Variants in EXOC4 observed in about 807,000 individuals in gnomAD.
EXOC4 encodes SEC8-like 1.
A neutral mutation model predicts 107.2 loss-of-function variants in EXOC4; 71 were observed. The observed-to-expected ratio is 0.66, with a 90% CI of 0.55 to 0.81. EXOC4 has a LOEUF of 0.81. Among genes scored for constraint, EXOC4 ranks in the 30% least tolerant of loss-of-function variants. The pLI is 0.00. For missense variants in EXOC4, 1,108 were observed against 1,189.6 expected (o/e 0.93, Z 1.01); for synonymous variants, 456 against 441.2 (o/e 1.03, Z -0.42).
chr7:133,964,716 A>G (rs1030726097), intron 14 of EXOC4, among the ~76,000 whole-genome samples: 3 of 152,040 alleles, frequency 2.0e-5, no homozygotes, highest in African/African-American at 7.3e-5. Flanking sequence ...GTTTTTCTTT[A>G]TCTAGTCTAT....
chr7:133,527,705 G>A (rs1800106634), intron 9 of EXOC4, among the ~76,000 whole-genome samples: 2 of 152,158 alleles, frequency 1.3e-5, no homozygotes, highest in South Asian at 4.1e-4. Context: ...CATAGAAAAT[G>A]TGAATTACAT....
rs530223419 is a variant in EXOC4, at chr7:133,761,772, T to C, written c.1515-55553T>C. On this transcript the variant is annotated intron_variant, in intron 10 of 17. Transcript: ENST00000253861. ...TTATGATTGTGTTCATTTCTAACCA[T>C]GTCCCTGTGCAGTTTACGAACAATA... Among the ~76,000 whole-genome samples, 3 of 152,330 alleles carry C rather than the reference T, an allele frequency of 2.0e-5. No homozygotes were observed. In the South Asian group the frequency reaches 6.2e-4, roughly 32 times the overall value.
intron 1 of EXOC4, among the ~76,000 whole-genome samples, chr7:133,268,729 C>T (rs1282156851): frequency 6.6e-6 from 1 of 152,170 alleles, no homozygotes; most frequent in Admixed American, 6.5e-5. Flanking sequence ...ACTTGGAGCT[C>T]ATGGTTGTGA....
chr7:133,801,321 T>G (rs902126252), intron 10 of EXOC4, among the ~76,000 whole-genome samples: 1 of 152,220 alleles, frequency 6.6e-6, no homozygotes, highest in African/African-American at 2.4e-5. Flanking sequence ...ATGGTTTAAA[T>G]GAATGCAAAT....
At chr7:133,977,479 A>G (rs1387682104) in intron 14 of EXOC4, among the ~76,000 whole-genome samples, 5 of 152,226 alleles carry the variant, frequency 3.3e-5, no homozygotes, top group Non-Finnish European at 7.3e-5. Flanking sequence ...TTATTTATAT[A>G]GATTGTCCTC....
chr7:133,401,652 A>T (rs1278894937), intron 7 of EXOC4, among the ~76,000 whole-genome samples: 1 of 72,724 alleles, frequency 1.4e-5, no homozygotes, highest in African/African-American at 4.2e-5. Context: ...ACCCTGTCTT[A>T]AAAAAAAAAA....
intron 10 of EXOC4, among the ~76,000 whole-genome samples, chr7:133,749,972 T>G (rs926949445): frequency 1.4e-3 from 210 of 147,022 alleles, no homozygotes; most frequent in African/African-American, 5.0e-3. Context: ...TTTTTTTTTT[T>G]TTTTTTTTTT....
At chr7:133,274,191 A>G (rs538174326) in intron 1 of EXOC4, among the ~76,000 whole-genome samples, 2 of 152,356 alleles carry the variant, frequency 1.3e-5, no homozygotes, top group African/African-American at 4.8e-5. Context: ...CCTGTAGGAT[A>G]GCTTAGATGA....
At chr7:133,707,311 A>C (rs1397790513) in intron 10 of EXOC4, among the ~76,000 whole-genome samples, 1 of 152,086 alleles carries the variant, frequency 6.6e-6, no homozygotes, top group African/African-American at 2.4e-5. Context: ...GGAACCCAGG[A>C]GGTGGAGGTT....
In EXOC4 at chr7:133,919,696, G is replaced by GT. The variant is rs543684131; in HGVS notation, c.2027+1965dup. Among the ~76,000 whole-genome samples the GT allele has an allele frequency of 8.5e-5, 13 of 152,094 alleles. No homozygotes were observed. The East Asian group carries it at 1.5e-3, about 18-fold the overall frequency. ...AATGTGCATTTAAGTTTCCTCCATG[G>GT]TTTTTTTATTTTGTGGTATTATTGC... On this transcript the variant is annotated intron_variant, in intron 13 of 17. Transcript: ENST00000253861.
intron 7 of EXOC4, among the ~76,000 whole-genome samples, chr7:133,466,993 A>G (rs1233738385): frequency 1.3e-5 from 2 of 152,188 alleles, no homozygotes; most frequent in East Asian, 1.9e-4. Context: ...AGCATCATCA[A>G]GGAACTTTTT....
chr7:133,258,952 G>C (rs1011384123), intron 1 of EXOC4, among the ~76,000 whole-genome samples: 13 of 151,990 alleles, frequency 8.6e-5, no homozygotes, highest in Non-Finnish European at 1.9e-4. Context: ...AGCAAATCAA[G>C]GGCCCAATAC....
intron 10 of EXOC4, among the ~76,000 whole-genome samples, chr7:133,751,662 A>G (rs1795795575): frequency 1.3e-5 from 2 of 152,168 alleles, no homozygotes; most frequent in South Asian, 4.1e-4. Flanking sequence ...TGTCAAAACC[A>G]CAGCTTCATA....
chr7:133,335,768 A>C (rs1795498472), intron 5 of EXOC4, among the ~76,000 whole-genome samples: 1 of 152,202 alleles, frequency 6.6e-6, no homozygotes. Context: ...TGCTGTTTTC[A>C]CAGCAGGTAT....
intron 1 of EXOC4, among the ~76,000 whole-genome samples, chr7:133,267,873 A>G (rs754916261): frequency 6.6e-6 from 1 of 152,166 alleles, no homozygotes; most frequent in African/African-American, 2.4e-5. Flanking sequence ...ACTGCTGCTC[A>G]TTACTTAGCT....
At chr7:133,974,173 T>C (rs1459841666) in intron 14 of EXOC4, among the ~76,000 whole-genome samples, 2 of 152,064 alleles carry the variant, frequency 1.3e-5, no homozygotes, top group Non-Finnish European at 1.5e-5. Context: ...GATAGTGGGG[T>C]TGGATTCAAG....
chr7:133,413,834 G>C (rs1797415201), intron 7 of EXOC4, among the ~76,000 whole-genome samples: 1 of 152,094 alleles, frequency 6.6e-6, no homozygotes, highest in South Asian at 2.1e-4. Context: ...TTGGCCCATA[G>C]TGACTGATCA....
rs941000626 is a variant in EXOC4, at chr7:133,855,178, G to A, written c.1734+37634G>A. On this transcript the variant is annotated intron_variant, in intron 11 of 17. Transcript: ENST00000253861. ...ATAAATATATATATTTTTTTTATCA[G>A]CAAAGAGAAGTGGACAGTTGTTTTT... 4.5e-5 allele frequency among the ~76,000 whole-genome samples: 5 copies of A among 112,248 alleles called. No homozygotes were observed. In the South Asian group the frequency reaches 9.2e-4, roughly 21 times the overall value. The allele number at this position is 112,248 out of a possible 152,430, so 73.6% of individuals were successfully genotyped here. A position where few individuals can be genotyped will look rare whatever the true frequency, so the allele number is the denominator to read the frequency against.
the EXOC4 span, among the ~76,000 whole-genome samples, chr7:134,077,713 G>T: frequency 5.9e-5 from 9 of 152,346 alleles, no homozygotes; most frequent in African/African-American, 2.2e-4. Context: ...ACAAAGACAG[G>T]ATTGCACATG....
Sources: gnomAD v4.1 joint callset for allele counts (sites outside exome capture counted in the v4.1 genomes callset) on GRCh38, gnomAD v4.1.1 for gene constraint, MANE v1.5 for transcripts, NCBI Gene and HGNC (gene_info 2026-07-23, HGNC 2026-07-21) for gene names.